The following MYO18B variants were observed in gnomAD, a reference collection of about 807,000 sequenced individuals.
The protein encoded by MYO18B is myosin XVIIIB.
In MYO18B, 204 loss-of-function variants were observed where a neutral mutation model predicts 273.0. That is an observed-to-expected ratio of 0.75 (90% CI 0.67 to 0.84). The LOEUF (loss-of-function observed/expected upper bound fraction) is 0.84. MYO18B is among the 40% of genes least tolerant of loss of function. MYO18B has a pLI of 0.00. For missense variants in MYO18B, 3,212 were observed against 3,287.6 expected, an observed-to-expected ratio of 0.98 and a Z score of 0.56; for synonymous variants, 1,330 against 1,305.7, an observed-to-expected ratio of 1.02 and a Z score of -0.40.
At chr22:25,820,146 T>C (rs184465140) in intron 12 of MYO18B, among the ~76,000 whole-genome samples, 1 of 80,822 alleles carries the variant, frequency 1.2e-5, no homozygotes, top group African/African-American at 4.6e-5. Flanking sequence ...ACAGGATTTT[T>C]AAAAATTAGC....
chr22:26,000,027 C>T (rs1933799485), intron 40 of MYO18B, among the ~76,000 whole-genome samples: 1 of 152,132 alleles, frequency 6.6e-6, no homozygotes, highest in African/African-American at 2.4e-5. Flanking sequence ...GATGAGGGTC[C>T]CAGACAGCTG....
At chr22:25,961,236 A>G (rs1318617687) in intron 39 of MYO18B, among the ~76,000 whole-genome samples, 1 of 149,582 alleles carries the variant, frequency 6.7e-6, no homozygotes, top group African/African-American at 2.5e-5. Context: ...AAAAAAAAAA[A>G]GAAAGAAAGA....
At chr22:25,803,749 A>G (rs900397382) in intron 12 of MYO18B, among the ~76,000 whole-genome samples, 1 of 152,156 alleles carries the variant, frequency 6.6e-6, no homozygotes, top group Admixed American at 6.5e-5. Context: ...ATGAAACGCA[A>G]CGATGTTCAT....
At chr22:25,887,161 C>T (rs2091524215) in intron 25 of MYO18B, among the ~76,000 whole-genome samples, 1 of 152,158 alleles carries the variant, frequency 6.6e-6, no homozygotes, top group Non-Finnish European at 1.5e-5. Context: ...AAGCCAAGAC[C>T]CGTGTGTGCC....
In MYO18B at chr22:25,976,096, G is replaced by A. The variant is rs958428105; in HGVS notation, c.6157-16267G>A. Among the ~76,000 whole-genome samples, 5 of 152,274 alleles carry A rather than the reference G, an allele frequency of 3.3e-5. No individual in the cohort carries two copies. The East Asian group carries it at 5.8e-4, about 18-fold the overall frequency. On this transcript the variant is annotated intron_variant, in intron 39 of 43. Transcript: ENST00000335473. ...AAATATCTGGAGACATTTTTGGCTG[G>A]CACAACTTGGGTGGGAGGTGCTGCT...
chr22:25,821,556 T>G (rs2089282850), intron 12 of MYO18B, among the ~76,000 whole-genome samples: 2 of 152,134 alleles, frequency 1.3e-5, no homozygotes, highest in African/African-American at 4.8e-5. Flanking sequence ...GGTGGGCAGA[T>G]CATGAGGTCG....
At chr22:25,780,827 T>G (rs1338356496) in intron 9 of MYO18B, among the ~76,000 whole-genome samples, 1 of 152,062 alleles carries the variant, frequency 6.6e-6, no homozygotes. Flanking sequence ...TAGCCGGGTC[T>G]TAAAAGCGCA....
chr22:25,871,502 A>G (rs545525709), intron 22 of MYO18B, among the ~76,000 whole-genome samples: 1 of 152,320 alleles, frequency 6.6e-6, no homozygotes, highest in Non-Finnish European at 1.5e-5. Flanking sequence ...TTTCCATATC[A>G]GATTTTTTTA....
chr22:25,768,483 G>A lies in MYO18B; in HGVS notation c.567G>A (p.Lys189=). The change falls in exon 4 of 44, where the codon AAG becomes AAA. Residue 189 remains lysine (K), a synonymous_variant. Coordinates refer to ENST00000335473, the MANE Select transcript of MYO18B (RefSeq NM_032608.7). ...KTSPPATDTG[K]EKKGETSRTP... ...CTCCCCCCGCCACAGATACTGGAAA[G>A]GAAAAGAAAGGGGAGACCTCTAGGA... is the stretch of plus-strand genomic sequence containing the variant. The A allele has an allele frequency of 6.2e-7, 1 of 1,608,854 alleles. No individual in the cohort carries two copies. The highest frequency in any genetic ancestry group is 8.5e-7 in the Non-Finnish European group (1 of 1,177,760).
chr22:25,991,140 AC>A (rs1293256710), intron 39 of MYO18B, among the ~76,000 whole-genome samples: 2 of 152,104 alleles, frequency 1.3e-5, no homozygotes, highest in Non-Finnish European at 2.9e-5. Flanking sequence ...GATTTCCCTA[AC>A]CATTCCCAAT....
chr22:25,814,475 A>T (rs2088916386), intron 12 of MYO18B, among the ~76,000 whole-genome samples: 1 of 151,644 alleles, frequency 6.6e-6, no homozygotes. Flanking sequence ...CTATTCTAAG[A>T]GCTTTGGCTA....
intron 42 of MYO18B, among the ~76,000 whole-genome samples, chr22:26,024,652 T>G (rs1055473291): frequency 5.3e-5 from 8 of 152,334 alleles, no homozygotes; most frequent in Admixed American, 2.6e-4. Context: ...CTCTATGTCT[T>G]GTCCTCATGA....
intron 29 of MYO18B, among the ~76,000 whole-genome samples, chr22:25,902,322 A>G (rs1379372813): frequency 6.6e-6 from 1 of 152,210 alleles, no homozygotes; most frequent in Non-Finnish European, 1.5e-5. Context: ...ATGGTGAGGG[A>G]GAAATCTAGA....
intron 34 of MYO18B, among the ~76,000 whole-genome samples, chr22:25,935,237 G>A (rs769218759): frequency 6.6e-6 from 1 of 152,190 alleles, no homozygotes; most frequent in African/African-American, 2.4e-5. Flanking sequence ...GCAAAAAGCA[G>A]ACACTTCCAT....
the MYO18B span, among the ~76,000 whole-genome samples, chr22:26,062,481 A>G: frequency 6.6e-6 from 1 of 152,334 alleles, no homozygotes; most frequent in African/African-American, 2.4e-5. Context: ...CAGAATTGAC[A>G]GCTAGAGAGA....
intron 42 of MYO18B, among the ~76,000 whole-genome samples, chr22:26,024,349 T>C (rs1936078396): frequency 6.6e-6 from 1 of 151,884 alleles, no homozygotes; most frequent in South Asian, 2.1e-4. Flanking sequence ...TGACTAGGGG[T>C]CGGGGAGTAG....
At chr22:25,905,054 T>A (rs2092013714) in intron 31 of MYO18B, among the ~76,000 whole-genome samples, 1 of 149,686 alleles carries the variant, frequency 6.7e-6, no homozygotes, top group East Asian at 1.9e-4. Flanking sequence ...AGTGTTTTTT[T>A]TAAAAAAAAT....
the MYO18B span, among the ~76,000 whole-genome samples, chr22:26,058,870 G>C: frequency 2.0e-5 from 3 of 152,042 alleles, no homozygotes; most frequent in Non-Finnish European, 4.4e-5. Flanking sequence ...TTATAATTAC[G>C]CAGCCTCAGG....
At chr22:25,931,674 CTTTTTTCTTT>C (rs1470733650) in intron 34 of MYO18B, among the ~76,000 whole-genome samples, 128 of 142,768 alleles carry the variant, frequency 9.0e-4, no homozygotes, top group African/African-American at 2.7e-3. Flanking sequence ...CTTTTTTTTT[CTTTTTTCTTT>C]TTTTTTTTTT....
Sources: allele counts gnomAD v4.1 joint callset (sites outside exome capture counted in the v4.1 genomes callset), GRCh38; gene constraint gnomAD v4.1.1; transcripts MANE v1.5; gene names NCBI Gene and HGNC (gene_info 2026-07-23, HGNC 2026-07-21).